The following SMPDL3A variants were observed in gnomAD, a reference collection of about 807,000 sequenced individuals.
SMPDL3A encodes the protein cyclic GMP-AMP phosphodiesterase SMPDL3A.
SMPDL3A carries 39 observed loss-of-function variants against 38.5 expected under a neutral mutation model. The ratio of observed to expected loss-of-function variants is 1.01; its 90% CI spans 0.78 to 1.32. SMPDL3A has a LOEUF of 1.32. SMPDL3A is among the 40% of genes most tolerant of loss of function. The pLI, the probability that SMPDL3A is intolerant of heterozygous loss-of-function variation, is 0.00. For missense variants in SMPDL3A, 502 were observed against 536.2 expected (o/e 0.94, Z 0.63); for synonymous variants, 180 against 194.3 (o/e 0.93, Z 0.61).
chr6:122,791,758 A>G (rs12528570), intron 1 of SMPDL3A, among the ~76,000 whole-genome samples: 3,703 of 152,224 alleles, frequency 0.024, 297 homozygotes, highest in Admixed American at 0.17. Context: ...CAGTGGCGCA[A>G]TCTCGGCTCA....
intron 7 of SMPDL3A, among the ~76,000 whole-genome samples, chr6:122,807,371 T>C (rs568722603): frequency 5.3e-4 from 80 of 152,170 alleles, no homozygotes; most frequent in South Asian, 3.7e-3. Context: ...TGGCGGCGGG[T>C]GCCTGTAGTC....
In SMPDL3A at chr6:122,809,600, G is replaced by T; in HGVS notation, c.*192G>T. The T allele has an allele frequency of 4.4e-6, 2 of 454,288 alleles. No individual in the cohort carries two copies. 28.1% of individuals were successfully genotyped at this position (454,288 alleles called of 1,614,324 possible). A position where few individuals can be genotyped will look rare whatever the true frequency, so the allele number is the denominator to read the frequency against. ...CTGAATTGTATTATATATTTAAAGT[G>T]CTCATTAATAGAATGATGGATGTAA... On this transcript the variant is annotated 3_prime_UTR_variant, in exon 8 of 8. Coordinates refer to ENST00000368440, the MANE Select transcript of SMPDL3A (RefSeq NM_006714.5).
intron 7 of SMPDL3A, among the ~76,000 whole-genome samples, chr6:122,807,314 C>T (rs972638263): frequency 1.2e-4 from 19 of 152,192 alleles, no homozygotes; most frequent in African/African-American, 4.3e-4. Flanking sequence ...TTGGCTGACA[C>T]GGTGAAACCC....
chr6:122,805,510 A>G (rs969835957), intron 6 of SMPDL3A, among the ~76,000 whole-genome samples: 2 of 152,226 alleles, frequency 1.3e-5, no homozygotes, highest in African/African-American at 4.8e-5. Flanking sequence ...AAAATAAAAT[A>G]TATTAAGCTC....
Position 122,803,774 on chromosome 6 carries a change from G to A in SMPDL3A, c.679G>A (p.Ala227Thr). 6.2e-7 allele frequency: 1 copy of A among 1,613,934 alleles called. No homozygotes were observed. Among genetic ancestry groups the A allele is most frequent in the Non-Finnish European group, 8.5e-7 (1 of 1,179,996 alleles). The stretch of plus-strand genomic sequence containing the variant: ...AATGACACTGAACAAGACTGACCCA[G>A]CCAACCAGTTTGAATGGCTAGAAAG... ...NIMTLNKTDP[A>T]NQFEWLESTL... is the part of the protein sequence containing the mutation. Residue 227 changes from alanine (A) to threonine (T), a missense_variant, in exon 5 of 8, where the codon GCC (alanine) becomes ACC (threonine). Transcript: ENST00000368440.
chr6:122,807,179 A>T (rs1781654057), intron 7 of SMPDL3A, among the ~76,000 whole-genome samples: 1 of 151,994 alleles, frequency 6.6e-6, no homozygotes, highest in Admixed American at 6.6e-5. Context: ...GGTATTACAG[A>T]TGTGAGCCAC....
chr6:122,794,758 G>A (rs546909796), intron 1 of SMPDL3A, among the ~76,000 whole-genome samples: 5 of 152,250 alleles, frequency 3.3e-5, no homozygotes, highest in Admixed American at 1.3e-4. Context: ...GATAGAAGAT[G>A]TACCTCTATT....
intron 5 of SMPDL3A, among the ~76,000 whole-genome samples, chr6:122,804,589 G>A (rs1029840754): frequency 1.3e-5 from 2 of 152,220 alleles, no homozygotes; most frequent in East Asian, 1.9e-4. Flanking sequence ...TTACAGGCCT[G>A]AGCCACCTTG....
At chr6:122,804,859 T>A (rs183385142) in intron 5 of SMPDL3A, 50 bp from the exon 6 acceptor site, 1 of 1,499,592 alleles carries the variant, frequency 6.7e-7, no homozygotes, top group South Asian at 1.3e-5. Context: ...TTAGTTATGA[T>A]GAATGTGCAG....
chr6:122,796,987 C>T lies in SMPDL3A; in HGVS notation c.471+19C>T. ...GCCACAGGTAAATTTGATAGACTTT[C>T]AGAAATGCTTAAAGAATTTTTCCTA... On this transcript the variant is annotated intron_variant, in intron 3 of 7. Coordinates refer to ENST00000368440, the MANE Select transcript of SMPDL3A (RefSeq NM_006714.5). 1 of 1,604,732 alleles carries T rather than the reference C, an allele frequency of 6.2e-7. No individual in the cohort carries two copies. The highest frequency in any genetic ancestry group is 8.5e-7 in the Non-Finnish European group (1 of 1,175,216).
chr6:122,801,433 T>C, intron 4 of SMPDL3A, 27 bp downstream of exon 4: 1 of 1,466,830 alleles, frequency 6.8e-7, no homozygotes, highest in Non-Finnish European at 9.5e-7. Flanking sequence ...GTTATTCCTA[T>C]TTTGCCTCAA....
intron 1 of SMPDL3A, among the ~76,000 whole-genome samples, chr6:122,790,122 G>A (rs1022823669): frequency 1.1e-4 from 16 of 152,144 alleles, no homozygotes; most frequent in African/African-American, 3.9e-4. Context: ...ACTTAACACA[G>A]TGCCCGTTAC....
Position 122,801,419 on chromosome 6 carries a change from C to T in SMPDL3A, c.568+13C>T. 6.6e-7 allele frequency: 1 copy of T among 1,526,410 alleles called. No individual in the cohort carries two copies. The highest frequency in any genetic ancestry group is 9.1e-7 in the Non-Finnish European group (1 of 1,101,174). 94.6% of individuals were successfully genotyped at this position (1,526,410 alleles called of 1,614,324 possible). A position where few individuals can be genotyped will look rare whatever the true frequency, so the allele number is the denominator to read the frequency against. On this transcript the variant is annotated intron_variant, in intron 4 of 7. Transcript: ENST00000368440. ...ACTTTAAGGAAAGGTAAGTGAAAGA[C>T]TTAGTTATTCCTATTTTGCCTCAAT...
intron 4 of SMPDL3A, among the ~76,000 whole-genome samples, chr6:122,802,006 A>G (rs1582550649): frequency 6.6e-6 from 1 of 152,194 alleles, no homozygotes; most frequent in South Asian, 2.1e-4. Context: ...TGAGACAAAT[A>G]TTAAGTTAAT....
At chr6:122,808,609 C>CCTTCCATCCTTCCTT (rs1562357722) in intron 7 of SMPDL3A, among the ~76,000 whole-genome samples, 1 of 44,310 alleles carries the variant, frequency 2.3e-5, no homozygotes, top group African/African-American at 8.8e-5. Flanking sequence ...CTCCCTCCCT[C>CCTTCCATCCTTCCTT]CCTTCCTTCC....
Position 122,801,388 on chromosome 6 carries a change from A to G in SMPDL3A, c.550A>G (p.Ile184Val), listed in dbSNP as rs1218538809. ...LWKPWLDEEA[I>V]STLRKGGFYS... ...GAAACCATGGCTAGATGAAGAAGCTATTAGTACTTTAAGGAAAGGTAAGTG... is the reference window on the plus strand; with the variant it reads ...GAAACCATGGCTAGATGAAGAAGCTGTTAGTACTTTAAGGAAAGGTAAGTG... Residue 184 changes from isoleucine (I) to valine (V), a missense_variant, in exon 4 of 8, where the codon ATT becomes GTT. Physicochemically the swap from Ile to Val is conservative, Grantham distance 29. Coordinates refer to ENST00000368440, the MANE Select transcript of SMPDL3A (RefSeq NM_006714.5). 11 of 1,607,818 alleles carry G rather than the reference A, an allele frequency of 6.8e-6. No individual in the cohort carries two copies. The highest frequency in any genetic ancestry group is 4.0e-5 in the African/African-American group (3 of 74,826).
At chr6:122,794,406 G>A (rs1052729128) in intron 1 of SMPDL3A, among the ~76,000 whole-genome samples, 1 of 152,022 alleles carries the variant, frequency 6.6e-6, no homozygotes, top group East Asian at 1.9e-4. Context: ...GACCATCCTG[G>A]CTAACATGGT....
rs1562344849 is a variant in SMPDL3A, at chr6:122,789,396, G to T, written c.50G>T (p.Cys17Phe). ...TGCTGCCTGCTGACTGCCTGGCACT[G>T]CCGCTCCGGCCTCGGGCTGCCCGTG... ...LVCCLLTAWH[C>F]RSGLGLPVAP... The change falls in exon 1 of 8, where the codon TGC (cysteine) becomes TTC (phenylalanine). Residue 17 changes from cysteine to phenylalanine, a missense_variant. Cys to Phe is a radical substitution (Grantham distance 205). Coordinates refer to ENST00000368440, the MANE Select transcript of SMPDL3A (RefSeq NM_006714.5). The T allele has an allele frequency of 6.5e-7, 1 of 1,549,248 alleles. No homozygotes were observed.
chr6:122,791,138 C>T (rs548159287), intron 1 of SMPDL3A, among the ~76,000 whole-genome samples: 2 of 152,310 alleles, frequency 1.3e-5, no homozygotes, highest in Admixed American at 6.5e-5. Flanking sequence ...TCAGCATCCA[C>T]CCTGCCTGGC....
Sources: gnomAD v4.1 joint callset for allele counts (sites outside exome capture counted in the v4.1 genomes callset) on GRCh38, gnomAD v4.1.1 for gene constraint, MANE v1.5 for transcripts, NCBI Gene and HGNC (gene_info 2026-07-23, HGNC 2026-07-21) for gene names.